The following FAT3 variants were observed in gnomAD, a reference collection of about 807,000 sequenced individuals.
FAT3 encodes the protein protocadherin Fat 3.
FAT3 carries 95 observed loss-of-function variants against 310.2 expected under a neutral mutation model. The observed-to-expected ratio is 0.31, with a 90% CI of 0.26 to 0.36. The LOEUF is 0.36. FAT3 is among the 10% of genes least tolerant of loss of function. The pLI, the probability that FAT3 is intolerant of heterozygous loss-of-function variation, is 1.00. For synonymous variants in FAT3, 2,314 were observed against 2,192.9 expected, an observed-to-expected ratio of 1.06 and a Z score of -1.54; for missense variants, 5,408 against 5,715.6, an observed-to-expected ratio of 0.95 and a Z score of 1.74.
intron 22 of FAT3, among the ~76,000 whole-genome samples, chr11:92,867,634 A>G (rs919201635): frequency 4.6e-5 from 7 of 152,248 alleles, no homozygotes; most frequent in Non-Finnish European, 1.0e-4. Context: ...CCAGACGTAG[A>G]CATAAAACCT....
chr11:92,510,220 G>A (rs936245234), intron 2 of FAT3, among the ~76,000 whole-genome samples: 6 of 152,052 alleles, frequency 3.9e-5, no homozygotes, highest in South Asian at 2.1e-4. Flanking sequence ...CAACCTCCAC[G>A]TTTTCAGTCA....
At chr11:92,832,203 G>A (rs958055105) in intron 14 of FAT3, among the ~76,000 whole-genome samples, 192 bp downstream of exon 14, 1 of 152,114 alleles carries the variant, frequency 6.6e-6, no homozygotes, top group Admixed American at 6.5e-5. Context: ...AAGCATGGTG[G>A]TATGCACCTG....
Position 92,822,015 on chromosome 11 carries a change from T to G in FAT3, c.9482-9607T>G, listed in dbSNP as rs181991982. On this transcript the variant is annotated intron_variant, in intron 13 of 27. Coordinates refer to ENST00000525166, the MANE Select transcript of FAT3 (RefSeq NM_001367949.2). ...GAAAGTCTGGGAGAGAGCTGGACATTTTTTTTTTCTCTGCAGTTGATTATA... is the reference window on the plus strand; with the variant it reads ...GAAAGTCTGGGAGAGAGCTGGACATGTTTTTTTTCTCTGCAGTTGATTATA... Among the ~76,000 whole-genome samples, 14 of 151,662 alleles carry G rather than the reference T, an allele frequency of 9.2e-5. No individual in the cohort carries two copies. The East Asian group carries it at 2.5e-3, about 27-fold the overall frequency.
intron 20 of FAT3, among the ~76,000 whole-genome samples, chr11:92,858,585 T>C (rs2136325687): frequency 6.6e-6 from 1 of 152,286 alleles, no homozygotes; most frequent in South Asian, 2.1e-4. Context: ...AGCAATCGAG[T>C]TGGACAAAAT....
chr11:92,780,956 A>C (rs1946731139), intron 7 of FAT3, among the ~76,000 whole-genome samples: 1 of 152,222 alleles, frequency 6.6e-6, no homozygotes, highest in Non-Finnish European at 1.5e-5. Flanking sequence ...AGTTTAAATG[A>C]AACTAGAACA....
At chr11:92,717,964 C>T (rs1238607306) in intron 4 of FAT3, among the ~76,000 whole-genome samples, 1 of 152,074 alleles carries the variant, frequency 6.6e-6, no homozygotes, top group African/African-American at 2.4e-5. Flanking sequence ...AAAAAATGGC[C>T]ACAAATTCTT....
intron 1 of FAT3, among the ~76,000 whole-genome samples, chr11:92,276,020 A>C (rs1264617441): frequency 6.7e-6 from 1 of 148,934 alleles, no homozygotes; most frequent in Non-Finnish European, 1.5e-5. Context: ...TTATTAAATC[A>C]AGTACTGAAT....
At chr11:92,365,652 C>T (rs1948999131) in intron 2 of FAT3, among the ~76,000 whole-genome samples, 1 of 152,152 alleles carries the variant, frequency 6.6e-6, no homozygotes, top group South Asian at 2.1e-4. Flanking sequence ...GAACACTGGG[C>T]CTGTGTGGCA....
intron 2 of FAT3, among the ~76,000 whole-genome samples, chr11:92,512,502 CA>C (rs995985569): frequency 3.1e-4 from 44 of 141,188 alleles, no homozygotes; most frequent in African/African-American, 5.3e-4. Context: ...TTTTATATCT[CA>C]AAAAAAAATA....
intron 19 of FAT3, among the ~76,000 whole-genome samples, chr11:92,855,056 C>A (rs547571896): frequency 6.6e-6 from 1 of 152,204 alleles, no homozygotes; most frequent in African/African-American, 2.4e-5. Context: ...TACATTGCCA[C>A]CTCCATGTGG....
intron 3 of FAT3, among the ~76,000 whole-genome samples, chr11:92,680,131 G>T (rs116119632): frequency 0.011 from 1,642 of 143,488 alleles, 29 homozygotes; most frequent in African/African-American, 0.038. Flanking sequence ...TCTATTTTTG[G>T]TTTTTTTTTT....
At chr11:92,358,768 C>T (rs1948802844) in intron 2 of FAT3, among the ~76,000 whole-genome samples, 2 of 152,078 alleles carry the variant, frequency 1.3e-5, no homozygotes, top group Admixed American at 1.3e-4. Flanking sequence ...TGAATTTTTA[C>T]TACTGTTGAA....
intron 21 of FAT3, among the ~76,000 whole-genome samples, chr11:92,860,346 T>C (rs1342376412): frequency 6.6e-6 from 1 of 152,210 alleles, no homozygotes; most frequent in Non-Finnish European, 1.5e-5. Context: ...CTCTAGTCTC[T>C]CTCACTCCAT....
rs1948646370 is a variant in FAT3 at position 92,353,908 on chromosome 11, C to G, written c.1796C>G (p.Ala599Gly). The G allele has an allele frequency of 6.2e-7, 1 of 1,612,536 alleles. No individual in the cohort carries two copies. Among genetic ancestry groups the G allele is most frequent in the African/African-American group, 1.3e-5 (1 of 75,020 alleles). ...TTTCCAGTTGGTGGTCACATCACAG[C>G]AGTCTCAGCGATCGATATCGATGAA... ...YDFPVGGHIT[A>G]VSAIDIDELE... is the part of the protein sequence containing the mutation. The change falls in exon 2 of 28, where the codon GCA becomes GGA. Residue 599 changes from alanine to glycine, a missense_variant. By Grantham distance (60) the Ala-to-Gly change is moderately conservative. Around this residue, in one of 5 missense-constraint regions of FAT3, gnomAD observed 4,588 missense variants for 4,809.8 expected, o/e 0.95. Coordinates refer to ENST00000525166, the MANE Select transcript of FAT3 (RefSeq NM_001367949.2).
intron 3 of FAT3, among the ~76,000 whole-genome samples, chr11:92,607,989 A>G (rs1940382691): frequency 6.6e-6 from 1 of 151,546 alleles, no homozygotes; most frequent in South Asian, 2.1e-4. Context: ...AGTACCTTCC[A>G]TTTCTTGAAC....
chr11:92,412,227 T>A (rs1465475644), intron 2 of FAT3, among the ~76,000 whole-genome samples: 1 of 151,694 alleles, frequency 6.6e-6, no homozygotes, highest in East Asian at 2.0e-4. Flanking sequence ...CTCATCCTCC[T>A]GAGTAGCTGG....
chr11:92,705,901 GTGATGGTGGTGGTT>G (rs1944325234), intron 4 of FAT3, among the ~76,000 whole-genome samples: 1 of 34,512 alleles, frequency 2.9e-5, no homozygotes, highest in Non-Finnish European at 6.5e-5. Context: ...GATGGTGGTG[GTGATGGTGGTGGTT>G]TGATGGTGGT....
At chr11:92,341,371 T>A (rs1321720013) in intron 1 of FAT3, among the ~76,000 whole-genome samples, 1 of 152,112 alleles carries the variant, frequency 6.6e-6, no homozygotes, top group African/African-American at 2.4e-5. Context: ...CCTGTGGTCA[T>A]TGAAGGGGTG....
intron 1 of FAT3, among the ~76,000 whole-genome samples, chr11:92,323,859 T>C (rs191804088): frequency 1.3e-5 from 2 of 152,346 alleles, no homozygotes; most frequent in African/African-American, 4.8e-5. Context: ...TTTCTAGCTA[T>C]GAAAGCTTCT....
Sources: allele counts gnomAD v4.1 joint callset (sites outside exome capture counted in the v4.1 genomes callset), GRCh38; gene constraint gnomAD v4.1.1; regional missense constraint gnomAD v4.1.1; transcripts MANE v1.5; gene names NCBI Gene and HGNC (gene_info 2026-07-23, HGNC 2026-07-21).